Variants in LARP6 observed in about 807,000 individuals in gnomAD.
The protein encoded by LARP6 is la-related protein 6.
A neutral mutation model predicts 32.8 loss-of-function variants in LARP6; 18 were observed. The observed-to-expected ratio is 0.55, with a 90% CI of 0.38 to 0.81. The LOEUF is 0.81. LARP6 is among the 40% of genes least tolerant of loss of function. The pLI, the probability that LARP6 is intolerant of heterozygous loss-of-function variation, is 0.00. For missense variants in LARP6, 598 were observed against 663.1 expected, an observed-to-expected ratio of 0.90 and a Z score of 1.08; for synonymous variants, 289 against 267.2, an observed-to-expected ratio of 1.08 and a Z score of -0.80.
rs559704936 is a variant in LARP6 at position 70,829,314 on chromosome 15, T to A, written c.*2738A>T. Reference sequence around the variant, plus strand: ...CCACCATGCCCGGCTAATTTTTTTGTATTTTTAGTAGAGACAGGGTTTTAC... The same window carrying A: ...CCACCATGCCCGGCTAATTTTTTTGAATTTTTAGTAGAGACAGGGTTTTAC... On this transcript the variant is annotated 3_prime_UTR_variant, in exon 3 of 3. Transcript: ENST00000299213. 3 of 152,318 alleles carry A rather than the reference T, an allele frequency of 2.0e-5. No individual in the cohort carries two copies. In the South Asian group the frequency reaches 6.2e-4, roughly 32 times the overall value. 9.4% of individuals were successfully genotyped at this position (152,318 alleles called of 1,614,324 possible). A position where few individuals can be genotyped will look rare whatever the true frequency, so the allele number is the denominator to read the frequency against.
chr15:70,832,314 T>C lies in LARP6; in HGVS notation c.1214A>G (p.Asn405Ser), dbSNP rs964325227. 1.1e-5 allele frequency: 18 copies of C among 1,614,112 alleles called. No homozygotes were observed. The Middle Eastern group carries it at 6.6e-4, about 59-fold the overall frequency. ...GAAGATCTCAGGGCTGGTGCTGCAG[T>C]TCAGTCTACCTTCCTCCGCCAGTGG... ...KSPLAEEGRLNCSTSPEIFRK... is the reference protein window; with the variant it reads ...KSPLAEEGRLSCSTSPEIFRK... Residue 405 changes from asparagine to serine, a missense_variant, in exon 3 of 3, where the codon AAC becomes AGC. This residue lies in a region of LARP6 where 368 missense variants were observed against 397.9 expected (regional missense o/e 0.92). Coordinates refer to ENST00000299213, the MANE Select transcript of LARP6 (RefSeq NM_018357.4).
chr15:70,833,060 C>T lies in LARP6; in HGVS notation c.468G>A (p.Val156=). The change falls in exon 3 of 3, where the codon GTG becomes GTA. Residue 156 remains valine, a synonymous_variant. Coordinates refer to ENST00000299213, the MANE Select transcript of LARP6 (RefSeq NM_018357.4). ...GGTGGTCCTCATTCAACTCAAGGACCACTGAATACTTCAAAGCATGTGCTG... is the reference window on the plus strand; with the variant it reads ...GGTGGTCCTCATTCAACTCAAGGACTACTGAATACTTCAAAGCATGTGCTG... ...RTTAHALKYS[V]VLELNEDHRK... is the part of the protein sequence containing the mutation. 6.2e-7 allele frequency: 1 copy of T among 1,614,140 alleles called. No individual in the cohort carries two copies. The highest frequency in any genetic ancestry group is 8.5e-7 in the Non-Finnish European group (1 of 1,180,016).
At position 70,836,351 on chromosome 15, in the gene LARP6, C is replaced by A. The variant is rs561216361; in HGVS notation, c.355G>T (p.Val119Leu). 4.8e-5 allele frequency: 77 copies of A among 1,614,012 alleles called. 1 individual carries two copies. The highest frequency in any genetic ancestry group is 6.1e-5 in the Non-Finnish European group (72 of 1,180,030). The change falls in exon 2 of 3, where the codon GTG (valine) becomes TTG (leucine). Residue 119 changes from valine (V) to leucine (L), a missense_variant. Around this residue, in one of 3 missense-constraint regions of LARP6, gnomAD observed 69 missense variants for 116.7 expected, o/e 0.59. Coordinates refer to ENST00000299213, the MANE Select transcript of LARP6 (RefSeq NM_018357.4). ...ACATATCCCAGCTTGTTCCTCCTCA[C>A]GTGTTTTAGCAAAAAGGCGTCCTTC... ...LEKDAFLLKH[V>L]RRNKLGYVSV...
Position 70,854,033 on chromosome 15 carries a change from C to T in LARP6, c.56G>A (p.Arg19His), listed in dbSNP as rs11541653. 6.9e-7 allele frequency: 1 copy of T among 1,447,572 alleles called. No individual in the cohort carries two copies. Among genetic ancestry groups the T allele is most frequent in the Admixed American group, 2.5e-5 (1 of 40,540 alleles). The allele number at this position is 1,447,572 out of a possible 1,614,324, so 89.7% of individuals were successfully genotyped here. ...RPGPKTAVQI[R>H]VAIQEAEDVD... The stretch of plus-strand genomic sequence containing the variant: ...GTCCTCGGCCTCCTGGATGGCGACG[C>T]GGATCTGCACCGCCGTCTTGGGCCC... The change falls in exon 1 of 3, where the codon CGC becomes CAC. Residue 19 changes from arginine to histidine, a missense_variant. Transcript: ENST00000299213.
chr15:70,839,743 C>A (rs560155951), intron 1 of LARP6, among the ~76,000 whole-genome samples: 1 of 152,090 alleles, frequency 6.6e-6, no homozygotes, highest in Non-Finnish European at 1.5e-5. Context: ...CCACCACGCC[C>A]GGCTTTAATT....
intron 1 of LARP6, among the ~76,000 whole-genome samples, 162 bp downstream of exon 1, chr15:70,853,727 C>T (rs1318523561): frequency 1.3e-5 from 2 of 152,172 alleles, no homozygotes; most frequent in Non-Finnish European, 1.5e-5. Flanking sequence ...CCTCCACGGG[C>T]CGGTTCTGAC....
intron 1 of LARP6, among the ~76,000 whole-genome samples, chr15:70,841,977 G>A (rs932710045): frequency 6.6e-6 from 1 of 151,782 alleles, no homozygotes; most frequent in Non-Finnish European, 1.5e-5. Flanking sequence ...TCTCCCCCCT[G>A]GGCTTATGTG....
rs1440704521 is a variant in LARP6, at chr15:70,854,026, G to A, written c.63C>T (p.Ala21=). ...CGTCCACGTCCTCGGCCTCCTGGAT[G>A]GCGACGCGGATCTGCACCGCCGTCT... ...GPKTAVQIRV[A]IQEAEDVDEL... is the part of the protein sequence containing the mutation. The change falls in exon 1 of 3, where the codon GCC becomes GCT. Residue 21 remains alanine (A), a synonymous_variant. Transcript: ENST00000299213. The A allele has an allele frequency of 2.1e-6, 3 of 1,454,418 alleles. No individual in the cohort carries two copies. The African/African-American group carries it at 4.4e-5, about 21-fold the overall frequency. 90.1% of individuals were successfully genotyped at this position (1,454,418 alleles called of 1,614,324 possible).
intron 1 of LARP6, chr15:70,852,010 A>G (rs2032475210): frequency 4.7e-6 from 2 of 426,064 alleles, no homozygotes; most frequent in Admixed American, 3.5e-5. Context: ...TGTTGAGGCA[A>G]TGGGCTGAGG....
Position 70,854,117 on chromosome 15 carries a change from T to C in LARP6, c.-29A>G. Reference sequence around the variant, plus strand: ...TCGCGGGACTGCGGCGCCGCCGGGGTCCTCACGCCGCAAGGCCCAGCCAGC... The same window carrying C: ...TCGCGGGACTGCGGCGCCGCCGGGGCCCTCACGCCGCAAGGCCCAGCCAGC... On this transcript the variant is annotated 5_prime_UTR_variant, in exon 1 of 3. Coordinates refer to ENST00000299213, the MANE Select transcript of LARP6 (RefSeq NM_018357.4). 8.1e-7 allele frequency: 1 copy of C among 1,233,754 alleles called. No individual in the cohort carries two copies. The highest frequency in any genetic ancestry group is 3.3e-5 in the South Asian group (1 of 30,164). 76.4% of individuals were successfully genotyped at this position (1,233,754 alleles called of 1,614,324 possible).
intron 1 of LARP6, 86 bp from the exon 2 acceptor site, chr15:70,836,591 A>G (rs1042726188): frequency 7.2e-5 from 76 of 1,049,054 alleles, no homozygotes; most frequent in Non-Finnish European, 1.1e-4. Context: ...CTGACCCCCA[A>G]TACCTTGGAG....
At chr15:70,853,214 A>ACCCACCCCCCC (rs2032526756) in intron 1 of LARP6, 1 of 100,848 alleles carries the variant, frequency 9.9e-6, no homozygotes, top group Non-Finnish European at 2.1e-5. Context: ...ACCCAGGAAC[A>ACCCACCCCCCC]CCCCCCCCCC....
At chr15:70,833,162 C>A (rs2141048689) in intron 2 of LARP6, 46 bp from the exon 3 acceptor site, 1 of 1,527,662 alleles carries the variant, frequency 6.5e-7, no homozygotes. Flanking sequence ...ATGTCCTTGT[C>A]CATCCTTGTG....
chr15:70,849,114 T>G (rs965959073), intron 1 of LARP6: 3 of 152,172 alleles, frequency 2.0e-5, no homozygotes, highest in African/African-American at 7.2e-5. Context: ...ATCCCAGCAC[T>G]TTGGGAGGCC....
chr15:70,847,520 C>T (rs1032770543), intron 1 of LARP6, among the ~76,000 whole-genome samples: 39 of 152,198 alleles, frequency 2.6e-4, no homozygotes, highest in African/African-American at 8.9e-4. Context: ...CAGGTGCGCA[C>T]CACCATGCCT....
chr15:70,834,195 A>T (rs1368260656), intron 2 of LARP6, among the ~76,000 whole-genome samples: 1 of 152,188 alleles, frequency 6.6e-6, no homozygotes, highest in East Asian at 1.9e-4. Flanking sequence ...AGGCTCACTC[A>T]CTGGGCAAGA....
chr15:70,851,942 C>T (rs1321867125), intron 1 of LARP6: 4 of 583,132 alleles, frequency 6.9e-6, no homozygotes, highest in African/African-American at 3.8e-5. Flanking sequence ...CAAAATAGCC[C>T]CCTATGCTCA....
At position 70,832,524 on chromosome 15, in the gene LARP6, G is replaced by A; in HGVS notation, c.1004C>T (p.Ser335Phe). The A allele has an allele frequency of 1.3e-6, 2 of 1,544,600 alleles. No individual in the cohort carries two copies. Among genetic ancestry groups the A allele is most frequent in the Non-Finnish European group, 1.7e-6 (2 of 1,149,708 alleles). Residue 335 changes from serine (S) to phenylalanine (F), a missense_variant, in exon 3 of 3, where the codon TCT becomes TTT. By Grantham distance (155) the Ser-to-Phe change is radical. Around this residue, in one of 3 missense-constraint regions of LARP6, gnomAD observed 368 missense variants for 397.9 expected, o/e 0.92. Coordinates refer to ENST00000299213, the MANE Select transcript of LARP6 (RefSeq NM_018357.4). ...CTCGGGGTCAGAGGAGCTGTTGGCA[G>A]AAGACTCATCACCCATGTACTGAAG... The part of the protein sequence containing the change: ...EELQYMGDES[S>F]ANSSSDPESN...
chr15:70,836,231 T>G, intron 2 of LARP6, 64 bp downstream of exon 2: 1 of 1,432,060 alleles, frequency 7.0e-7, no homozygotes, highest in African/African-American at 1.4e-5. Context: ...AAAAAAAATG[T>G]TTAAAACCAC....
Sources: allele counts gnomAD v4.1 joint callset (sites outside exome capture counted in the v4.1 genomes callset), GRCh38; gene constraint gnomAD v4.1.1; regional missense constraint gnomAD v4.1.1; transcripts MANE v1.5; gene names NCBI Gene and HGNC (gene_info 2026-07-23, HGNC 2026-07-21).